SLC38A12: variants seen among roughly 807,000 people sequenced by gnomAD.
SLC38A12 encodes solute carrier family 38 member 12, also known as putative sodium-coupled neutral amino acid transporter 12.
At chr17:74,838,176 C>G in the SLC38A12 span, 3 of 985,676 alleles carry the variant, frequency 3.0e-6, no homozygotes, top group Non-Finnish European at 3.6e-6. Flanking sequence ...TGTAATTGGC[C>G]TCAGCCCGCT....
chr17:74,805,066 G>A, the SLC38A12 span, among the ~76,000 whole-genome samples: 14 of 152,258 alleles, frequency 9.2e-5, no homozygotes, highest in Non-Finnish European at 1.5e-4. The surrounding 1 kb of genome is among the most constrained non-coding windows in gnomAD (Gnocchi z 5.0). Flanking sequence ...CCAGGAATCC[G>A]CATTTTCAAC....
the SLC38A12 span, among the ~76,000 whole-genome samples, chr17:74,794,177 A>G: frequency 6.6e-6 from 1 of 152,128 alleles, no homozygotes; most frequent in Non-Finnish European, 1.5e-5. Context: ...TTTATGGAAG[A>G]TGGCCCAGGT....
At chr17:74,822,085 T>C in the SLC38A12 span, among the ~76,000 whole-genome samples, 10 of 152,000 alleles carry the variant, frequency 6.6e-5, no homozygotes, top group South Asian at 2.1e-4. Context: ...AGCAATACAT[T>C]TGTTGAAAGG....
the SLC38A12 span, among the ~76,000 whole-genome samples, chr17:74,790,650 T>C: frequency 6.6e-6 from 1 of 152,016 alleles, no homozygotes; most frequent in African/African-American, 2.4e-5. Context: ...CTCTTCTTCC[T>C]CCTGCCTTGT....
the SLC38A12 span, chr17:74,794,968 A>G: frequency 1.3e-6 from 2 of 1,500,006 alleles, no homozygotes; most frequent in Non-Finnish European, 9.2e-7. Flanking sequence ...AAACATGCAG[A>G]CATCTCTTTG....
chr17:74,793,699 C>G, the SLC38A12 span, among the ~76,000 whole-genome samples: 1 of 152,188 alleles, frequency 6.6e-6, no homozygotes, highest in Non-Finnish European at 1.5e-5. Context: ...AGAAAACAAG[C>G]TGGAGTGCAG....
the SLC38A12 span, among the ~76,000 whole-genome samples, chr17:74,783,732 T>C: frequency 7.2e-6 from 1 of 138,324 alleles, no homozygotes; most frequent in African/African-American, 2.8e-5. Context: ...TTTTTTTTTT[T>C]TTTTTTTTTT....
At chr17:74,826,441 C>A in the SLC38A12 span, among the ~76,000 whole-genome samples, 1 of 152,210 alleles carries the variant, frequency 6.6e-6, no homozygotes, top group African/African-American at 2.4e-5. Flanking sequence ...GAGGAGTGAA[C>A]GAAGCTAGAA....
At chr17:74,778,639 CTTTTTTT>C in the SLC38A12 span, among the ~76,000 whole-genome samples, 2 of 75,816 alleles carry the variant, frequency 2.6e-5, no homozygotes, top group East Asian at 3.7e-4. Flanking sequence ...CAGGGGAAGT[CTTTTTTT>C]TTTTTTTTTT....
At chr17:74,838,155 T>A in the SLC38A12 span, 1 of 985,292 alleles carries the variant, frequency 1.0e-6, no homozygotes, top group Admixed American at 6.2e-5. Flanking sequence ...CCTGGGAGAG[T>A]CCCTGCGTGG....
chr17:74,819,429 GATCTTCA>G, the SLC38A12 span, among the ~76,000 whole-genome samples: 89 of 152,346 alleles, frequency 5.8e-4, no homozygotes, highest in Non-Finnish European at 8.4e-4. Flanking sequence ...GCACATCATG[GATCTTCA>G]ATCTGTGTTT....
chr17:74,807,895 C>G, the SLC38A12 span, among the ~76,000 whole-genome samples: 1 of 152,258 alleles, frequency 6.6e-6, no homozygotes, highest in African/African-American at 2.4e-5. Context: ...AACCCATGGT[C>G]TTTTCACCTG....
chr17:74,834,913 G>A, the SLC38A12 span, among the ~76,000 whole-genome samples: 38 of 152,334 alleles, frequency 2.5e-4, no homozygotes, highest in Middle Eastern at 3.4e-3. Flanking sequence ...GAGCAGAAGC[G>A]GGAGACACAG....
chr17:74,839,327 G>A, the SLC38A12 span: 62 of 720,888 alleles, frequency 8.6e-5, no homozygotes, highest in Middle Eastern at 2.1e-3. Flanking sequence ...AGAGTGGTGG[G>A]GAGGACAGGG....
chr17:74,811,968 C>G, the SLC38A12 span, among the ~76,000 whole-genome samples: 88 of 151,988 alleles, frequency 5.8e-4, no homozygotes, highest in African/African-American at 2.1e-3. Context: ...ATCGCTTGAG[C>G]CTAGGAGTTC....
the SLC38A12 span, among the ~76,000 whole-genome samples, chr17:74,817,149 G>A: frequency 6.6e-6 from 1 of 152,058 alleles, no homozygotes; most frequent in Non-Finnish European, 1.5e-5. Context: ...CTAATTTGCA[G>A]AGGACACCTG....
chr17:74,780,301 G>T, the SLC38A12 span, among the ~76,000 whole-genome samples: 1 of 152,210 alleles, frequency 6.6e-6, no homozygotes, highest in African/African-American at 2.4e-5. Flanking sequence ...CATGAGTGAG[G>T]CTGCTGGGTG....
chr17:74,790,358 A>T, the SLC38A12 span: 3 of 1,436,924 alleles, frequency 2.1e-6, no homozygotes, highest in African/African-American at 2.8e-5. Flanking sequence ...CCCTTTCTTC[A>T]TGGAGAGGGC....
the SLC38A12 span, chr17:74,794,964 G>T: frequency 1.4e-6 from 2 of 1,451,538 alleles, no homozygotes. Flanking sequence ...AAAAAAACAT[G>T]CAGACATCTC....
Sources: gnomAD v4.1 joint callset for allele counts (sites outside exome capture counted in the v4.1 genomes callset) on GRCh38, gnomAD v4.1.1 for gene constraint, Gnocchi (gnomAD v3.1) non-coding constraint, MANE v1.5 for transcripts, NCBI Gene and HGNC (gene_info 2026-07-23, HGNC 2026-07-21) for gene names.